The following DAB1 variants were observed in gnomAD, a reference collection of about 807,000 sequenced individuals.
The protein encoded by DAB1 is DAB adaptor protein 1.
DAB1 carries 15 observed loss-of-function variants against 64.6 expected under a neutral mutation model. The observed-to-expected ratio is 0.23, with a 90% confidence interval of 0.16 to 0.36. The LOEUF (loss-of-function observed/expected upper bound fraction) is 0.36, where lower values mean the gene tolerates loss of function less well. Among genes scored for constraint, DAB1 ranks in the 10% least tolerant of loss-of-function variants. The pLI, the probability that DAB1 is intolerant of heterozygous loss-of-function variation, is 1.00. For missense variants in DAB1, 596 were observed against 706.7 expected (o/e 0.84, Z 1.78); for synonymous variants, 235 against 251.9 (o/e 0.93, Z 0.64).
At chr1:57,555,571 C>CGATGATCATTGCTGCTTGCT (rs1644978815) in intron 7 of DAB1, among the ~76,000 whole-genome samples, 1 of 152,094 alleles carries the variant, frequency 6.6e-6, no homozygotes. Flanking sequence ...TGCTAATCAG[C>CGATGATCATTGCTGCTTGCT]AATGGTCATT....
chr1:57,930,181 A>G (rs1215866752), intron 5 of DAB1, among the ~76,000 whole-genome samples: 2 of 152,162 alleles, frequency 1.3e-5, no homozygotes, highest in African/African-American at 4.8e-5. Context: ...GCCTTTGCCA[A>G]AGATCAGTTG....
chr1:57,631,597 T>C (rs1445490513), intron 7 of DAB1, among the ~76,000 whole-genome samples: 1 of 152,262 alleles, frequency 6.6e-6, no homozygotes, highest in East Asian at 1.9e-4. Flanking sequence ...ATGTTTATAG[T>C]ATCTATATGT....
chr1:56,995,243 A>T lies in DAB1; in HGVS notation c.*2901T>A, dbSNP rs1645575546. 1 of 152,188 alleles carries T rather than the reference A, an allele frequency of 6.6e-6. No individual in the cohort carries two copies. Among genetic ancestry groups the T allele is most frequent in the Non-Finnish European group, 1.5e-5 (1 of 68,044 alleles). The allele number at this position is 152,188 out of a possible 1,614,324, so 9.4% of individuals were successfully genotyped here. A position where few individuals can be genotyped will look rare whatever the true frequency, so the allele number is the denominator to read the frequency against. ...AATTTAGTGCTAGTGGAGGATGAGG[A>T]ATTAACAGTTGTACACATGGATTTT... On this transcript the variant is annotated 3_prime_UTR_variant, in exon 15 of 15. Transcript: ENST00000371236.
intron 4 of DAB1, among the ~76,000 whole-genome samples, chr1:58,334,031 T>A (rs576520248): frequency 1.3e-5 from 2 of 152,348 alleles, no homozygotes; most frequent in African/African-American, 4.8e-5. Flanking sequence ...AATAAGATCA[T>A]ATCTTCTCAA....
At chr1:57,317,660 G>A (rs1158051679) in intron 1 of DAB1, among the ~76,000 whole-genome samples, 1 of 152,114 alleles carries the variant, frequency 6.6e-6, no homozygotes, top group African/African-American at 2.4e-5. Flanking sequence ...TGAAACAGCA[G>A]CATCCACCTC....
chr1:57,086,762 T>A (rs1280908788), intron 4 of DAB1, among the ~76,000 whole-genome samples: 1 of 152,104 alleles, frequency 6.6e-6, no homozygotes, highest in Non-Finnish European at 1.5e-5. Context: ...CCTCTTTGTT[T>A]AATTAGCTGC....
intron 3 of DAB1, among the ~76,000 whole-genome samples, chr1:58,370,867 C>T (rs1465632034): frequency 2.0e-5 from 3 of 152,300 alleles, no homozygotes; most frequent in East Asian, 3.9e-4. Flanking sequence ...TTCTAAGTTT[C>T]CTGAGGCCTC....
chr1:57,203,536 G>T (rs974928958), intron 2 of DAB1, among the ~76,000 whole-genome samples: 1 of 152,176 alleles, frequency 6.6e-6, no homozygotes, highest in African/African-American at 2.4e-5. Flanking sequence ...TGGCATGTGT[G>T]ACAAGGACAG....
chr1:58,217,386 G>C (rs958121169), intron 4 of DAB1, among the ~76,000 whole-genome samples: 4 of 152,220 alleles, frequency 2.6e-5, no homozygotes, highest in African/African-American at 9.6e-5. Context: ...TAGAGTGACA[G>C]GAGTCCCCAG....
At chr1:57,535,180 C>T (rs1247190106) in intron 7 of DAB1, among the ~76,000 whole-genome samples, 1 of 152,148 alleles carries the variant, frequency 6.6e-6, no homozygotes, top group African/African-American at 2.4e-5. Context: ...AATTATTGAG[C>T]TACAATAATT....
At chr1:58,389,165 T>C (rs557972003) in intron 3 of DAB1, among the ~76,000 whole-genome samples, 3 of 152,242 alleles carry the variant, frequency 2.0e-5, no homozygotes, top group South Asian at 2.1e-4. Context: ...AACTGCCCCA[T>C]AGTGGCTCAT....
chr1:58,113,801 G>A (rs1334405816), intron 5 of DAB1, among the ~76,000 whole-genome samples: 2 of 152,118 alleles, frequency 1.3e-5, no homozygotes, highest in African/African-American at 4.8e-5. Context: ...TTTTCAGTAG[G>A]AGTTTTGTGT....
intron 4 of DAB1, among the ~76,000 whole-genome samples, chr1:58,323,148 C>T (rs983457411): frequency 1.3e-5 from 2 of 151,814 alleles, no homozygotes; most frequent in African/African-American, 4.8e-5. Context: ...TAAATGACGA[C>T]TTAATGGGTG....
intron 5 of DAB1, among the ~76,000 whole-genome samples, chr1:57,979,232 C>T (rs1646000127): frequency 6.6e-6 from 1 of 152,108 alleles, no homozygotes; most frequent in South Asian, 2.1e-4. Flanking sequence ...ACTATGCAGC[C>T]ATAAAGAAAG....
chr1:57,912,532 C>T (rs529322087), intron 5 of DAB1, among the ~76,000 whole-genome samples: 3 of 152,144 alleles, frequency 2.0e-5, no homozygotes, highest in Non-Finnish European at 4.4e-5. Flanking sequence ...AAAACTGGCA[C>T]AAGACAGGGA....
chr1:57,528,680 A>G (rs992945591), intron 7 of DAB1, among the ~76,000 whole-genome samples: 1 of 148,934 alleles, frequency 6.7e-6, no homozygotes, highest in Non-Finnish European at 1.5e-5. Context: ...ACACACACGG[A>G]CACACAACAT....
chr1:57,299,447 A>G (rs373128373), intron 1 of DAB1, among the ~76,000 whole-genome samples: 1 of 152,212 alleles, frequency 6.6e-6, no homozygotes, highest in East Asian at 1.9e-4. Flanking sequence ...ATCAAACTCA[A>G]AGCTAACAAA....
intron 1 of DAB1, among the ~76,000 whole-genome samples, chr1:57,337,226 C>T (rs375396142): frequency 4.6e-5 from 7 of 152,274 alleles, no homozygotes; most frequent in African/African-American, 1.7e-4. Flanking sequence ...TCGAACTTTC[C>T]TAAAATTTAT....
intron 4 of DAB1, among the ~76,000 whole-genome samples, chr1:58,212,050 C>T (rs1191922138): frequency 2.0e-5 from 3 of 152,162 alleles, no homozygotes; most frequent in Non-Finnish European, 4.4e-5. Context: ...CATCACCTCA[C>T]TGTGTGGCTC....
Sources: gnomAD v4.1 joint callset for allele counts (sites outside exome capture counted in the v4.1 genomes callset) on GRCh38, gnomAD v4.1.1 for gene constraint, MANE v1.5 for transcripts, NCBI Gene and HGNC (gene_info 2026-07-23, HGNC 2026-07-21) for gene names.